Variants in ZFYVE1 observed in about 807,000 individuals in gnomAD.
The protein encoded by ZFYVE1 is zinc finger FYVE domain-containing protein 1.
In ZFYVE1, 30 loss-of-function variants were observed where a neutral mutation model predicts 74.4. That is an observed-to-expected ratio of 0.40 (90% CI 0.30 to 0.55). The LOEUF (loss-of-function observed/expected upper bound fraction) is 0.55. Ranked by LOEUF, ZFYVE1 falls within the 20% of genes least tolerant of loss-of-function variation. The pLI is 0.42. For missense variants in ZFYVE1, 703 were observed against 1,011.6 expected, an observed-to-expected ratio of 0.69 and a Z score of 4.14; for synonymous variants, 335 against 385.1, an observed-to-expected ratio of 0.87 and a Z score of 1.52.
chr14:73,006,015 C>G (rs113290936), intron 2 of ZFYVE1, among the ~76,000 whole-genome samples: 1 of 151,916 alleles, frequency 6.6e-6, no homozygotes, highest in Non-Finnish European at 1.5e-5. Flanking sequence ...TCCGCCTCCC[C>G]GGTTCAGGCC....
chr14:72,973,099 C>T (rs1409302331), intron 11 of ZFYVE1, among the ~76,000 whole-genome samples: 1 of 152,226 alleles, frequency 6.6e-6, no homozygotes, highest in African/African-American at 2.4e-5. Context: ...CTTTGACACT[C>T]CTGCCCCCTC....
chr14:73,010,087 CA>C (rs937962987), intron 2 of ZFYVE1, among the ~76,000 whole-genome samples: 1 of 151,954 alleles, frequency 6.6e-6, no homozygotes, highest in African/African-American at 2.4e-5. Flanking sequence ...TCAAAAAAAA[CA>C]GAGAAATAGG....
rs954293316 is a variant in ZFYVE1 at position 72,981,655 on chromosome 14, G to A, written c.1310+134C>T. On this transcript the variant is annotated intron_variant, in intron 5 of 11. Coordinates refer to ENST00000556143, the MANE Select transcript of ZFYVE1 (RefSeq NM_021260.4). ...TGGGAACATGGGAGTGTACCATTTT[G>A]GATAATTTAAATCAGAACCTGTAAT... is the stretch of plus-strand genomic sequence containing the variant. The A allele has an allele frequency of 1.6e-5, 13 of 808,110 alleles. No individual in the cohort carries two copies. In the African/African-American group the frequency reaches 2.0e-4, roughly 13 times the overall value. The allele number at this position is 808,110 out of a possible 1,614,324, so 50.1% of individuals were successfully genotyped here.
intron 3 of ZFYVE1, among the ~76,000 whole-genome samples, chr14:72,994,314 C>T (rs866388215): frequency 6.7e-5 from 7 of 105,056 alleles, no homozygotes; most frequent in Non-Finnish European, 8.9e-5. Flanking sequence ...CAGAGCGAGA[C>T]GCTGTCTCAA....
chr14:72,993,490 G>A, intron 3 of ZFYVE1, 133 bp from the exon 4 acceptor site: 5 of 700,768 alleles, frequency 7.1e-6, no homozygotes, highest in Non-Finnish European at 1.1e-5. Context: ...ATCACCCGAG[G>A]TCAGGAGTTC....
At chr14:72,994,587 T>A (rs960349601) in intron 3 of ZFYVE1, among the ~76,000 whole-genome samples, 1 of 151,974 alleles carries the variant, frequency 6.6e-6, no homozygotes. Context: ...CAAGGAGGAG[T>A]CTTTTTTCCC....
chr14:73,023,239 GTAATATATATATTATATGTTTTATATA>G lies in ZFYVE1; in HGVS notation c.483+760_483+786del, dbSNP rs1567366591. Among the ~76,000 whole-genome samples, 76 of 95,570 alleles carry G rather than the reference GTAATATATATATTATATGTTTTATATA, an allele frequency of 8.0e-4. 2 individuals carry two copies. The highest frequency in any genetic ancestry group is 2.7e-3 in the African/African-American group (68 of 25,166). The allele number at this position is 95,570 out of a possible 152,430, so 62.7% of individuals were successfully genotyped here. On this transcript the variant is annotated intron_variant, in intron 2 of 11. Transcript: ENST00000556143. ...AATATATATTTTATATGTTTTATAT[GTAATATATATATTATATGTTTTATATA>G]TAATATATATTATATATGTTTTATA... is the stretch of plus-strand genomic sequence containing the variant.
At chr14:72,984,411 C>T (rs1893424197) in intron 4 of ZFYVE1, among the ~76,000 whole-genome samples, 2 of 151,988 alleles carry the variant, frequency 1.3e-5, no homozygotes, top group Non-Finnish European at 2.9e-5. Context: ...CGCCTGTAAT[C>T]CCAGCTACTC....
chr14:73,017,774 A>T (rs1419806337), intron 2 of ZFYVE1, among the ~76,000 whole-genome samples: 1 of 152,106 alleles, frequency 6.6e-6, no homozygotes, highest in Non-Finnish European at 1.5e-5. Flanking sequence ...CAGCCTCCTA[A>T]GTGGTCTCCC....
At chr14:73,020,466 C>A (rs1894295068) in intron 2 of ZFYVE1, among the ~76,000 whole-genome samples, 1 of 152,100 alleles carries the variant, frequency 6.6e-6, no homozygotes, top group Non-Finnish European at 1.5e-5. Flanking sequence ...GATTCTCCTG[C>A]CTCAGCCTCC....
chr14:73,013,769 T>C (rs1894137880), intron 2 of ZFYVE1, among the ~76,000 whole-genome samples: 1 of 149,598 alleles, frequency 6.7e-6, no homozygotes, highest in Non-Finnish European at 1.5e-5. Context: ...CCCTTCTTCA[T>C]GGTCTCCCCA....
At chr14:73,015,155 C>T (rs949156725) in intron 2 of ZFYVE1, among the ~76,000 whole-genome samples, 1 of 148,360 alleles carries the variant, frequency 6.7e-6, no homozygotes, top group Non-Finnish European at 1.5e-5. Flanking sequence ...TGCACGAACC[C>T]GGGAAGCAGA....
intron 4 of ZFYVE1, among the ~76,000 whole-genome samples, chr14:72,987,185 T>C (rs1051700942): frequency 2.6e-5 from 4 of 152,314 alleles, no homozygotes; most frequent in African/African-American, 2.4e-5. Flanking sequence ...CAACAAAACA[T>C]AACTTTATAA....
At chr14:73,007,788 C>A (rs1448222863) in intron 2 of ZFYVE1, among the ~76,000 whole-genome samples, 1 of 152,204 alleles carries the variant, frequency 6.6e-6, no homozygotes, top group Admixed American at 6.5e-5. Context: ...GGTTTAAGTT[C>A]TATTAAATCT....
chr14:72,979,055 A>C, intron 5 of ZFYVE1, 86 bp from the exon 6 acceptor site: 1 of 1,185,442 alleles, frequency 8.4e-7, no homozygotes, highest in South Asian at 1.2e-5. Context: ...AGCCAGGCAC[A>C]AGGCCACGAC....
intron 5 of ZFYVE1, among the ~76,000 whole-genome samples, chr14:72,981,491 G>A (rs1893329858): frequency 6.6e-6 from 1 of 152,118 alleles, no homozygotes; most frequent in South Asian, 2.1e-4. Context: ...AAAGTCTTCT[G>A]CCCTAAAAAC....
At position 73,024,495 on chromosome 14, in the gene ZFYVE1, G is replaced by C; in HGVS notation, c.14C>G (p.Thr5Ser). The part of the protein sequence containing the change: MSAQ[T>S]SPAEKGLNPG... ...ATTCAGGCCCTTCTCTGCTGGGGAA[G>C]TCTGGGCACTCATACTCACGCTGGT... is the stretch of plus-strand genomic sequence containing the variant. The change falls in exon 2 of 12, where the codon ACT (threonine) becomes AGT (serine). Residue 5 changes from threonine to serine, a missense_variant. Thr to Ser is a moderately conservative substitution (Grantham distance 58, BLOSUM62 1). Around this residue, in one of 2 missense-constraint regions of ZFYVE1, gnomAD observed 211 missense variants for 221.7 expected, o/e 0.95. Transcript: ENST00000556143. 1.2e-6 allele frequency: 2 copies of C among 1,605,672 alleles called. No individual in the cohort carries two copies. The highest frequency in any genetic ancestry group is 1.7e-6 in the Non-Finnish European group (2 of 1,175,082).
intron 2 of ZFYVE1, among the ~76,000 whole-genome samples, chr14:73,006,172 G>T (rs1194834608): frequency 1.1e-4 from 17 of 151,942 alleles, no homozygotes; most frequent in Admixed American, 1.1e-3. Flanking sequence ...GCCCGCCTGG[G>T]CCTCCCAAAG....
intron 11 of ZFYVE1, among the ~76,000 whole-genome samples, chr14:72,972,709 CT>C (rs764679644): frequency 2.0e-3 from 284 of 140,274 alleles, no homozygotes; most frequent in Middle Eastern, 3.7e-3. Context: ...TTTAAATCTT[CT>C]TTTTTTTTTT....
Sources: allele counts gnomAD v4.1 joint callset (sites outside exome capture counted in the v4.1 genomes callset), GRCh38; gene constraint gnomAD v4.1.1; regional missense constraint gnomAD v4.1.1; transcripts MANE v1.5; gene names NCBI Gene and HGNC (gene_info 2026-07-23, HGNC 2026-07-21).